Variants in NUCKS1 observed in about 807,000 individuals in gnomAD.
The protein encoded by NUCKS1 is nuclear casein kinase and cyclin dependent kinase substrate 1, also known as nuclear ubiquitous casein and cyclin-dependent kinase substrate 1.
NUCKS1 carries 2 observed loss-of-function variants against 33.0 expected under a neutral mutation model. The observed-to-expected ratio is 0.06, with a 90% CI of 0.02 to 0.19. The LOEUF (loss-of-function observed/expected upper bound fraction) is 0.19. Among genes scored for constraint, NUCKS1 ranks in the 10% least tolerant of loss-of-function variants. The pLI is 1.00. For missense variants in NUCKS1, 201 were observed against 293.6 expected (o/e 0.68, Z 2.31); for synonymous variants, 106 against 102.8 (o/e 1.03, Z -0.19).
At position 205,750,137 on chromosome 1, in the gene NUCKS1, C is replaced by A. The variant is rs935924339; in HGVS notation, c.-164G>T. On this transcript the variant is annotated 5_prime_UTR_variant, in exon 1 of 7. Transcript: ENST00000367142. ...CTCCGCTGCTCTTTGGTTCAGGGCT[C>A]CTGGAACAGACGAGCCCCCCGCTCC... 28 of 721,384 alleles carry A rather than the reference C, an allele frequency of 3.9e-5. No homozygotes were observed. The highest frequency in any genetic ancestry group is 1.4e-5 in the Non-Finnish European group (6 of 423,656). 44.7% of individuals were successfully genotyped at this position (721,384 alleles called of 1,614,324 possible). A position where few individuals can be genotyped will look rare whatever the true frequency, so the allele number is the denominator to read the frequency against.
chr1:205,723,049 A>C (rs1671949438), intron 4 of NUCKS1, among the ~76,000 whole-genome samples: 1 of 152,246 alleles, frequency 6.6e-6, no homozygotes, highest in Non-Finnish European at 1.5e-5. Flanking sequence ...AAATGACTGA[A>C]AGCATATACT....
chr1:205,718,989 A>G (rs1317987351), intron 6 of NUCKS1, among the ~76,000 whole-genome samples: 2 of 152,230 alleles, frequency 1.3e-5, no homozygotes, highest in Non-Finnish European at 2.9e-5. Context: ...CACCTACACA[A>G]AAAGCAAATT....
intron 1 of NUCKS1, among the ~76,000 whole-genome samples, chr1:205,747,257 T>G (rs1336287700): frequency 6.6e-6 from 1 of 152,176 alleles, no homozygotes; most frequent in Non-Finnish European, 1.5e-5. Context: ...GGCACCTCAC[T>G]TATCCAGGTC....
rs147514539 is a variant in NUCKS1 at position 205,732,651 on chromosome 1, C to T, written c.18-3030G>A. Among the ~76,000 whole-genome samples the T allele has an allele frequency of 4.7e-3, 716 of 151,610 alleles. 5 individuals are homozygous for T. The highest frequency in any genetic ancestry group is 0.016 in the African/African-American group (673 of 41,316). ...CAAAAATTAGCTGGGCGTGGTGGTG[C>T]GTGCCTGTAGTGCCAGCTACTTGGG... On this transcript the variant is annotated intron_variant, in intron 1 of 6. Transcript: ENST00000367142.
At chr1:205,744,328 A>C (rs1024077965) in intron 1 of NUCKS1, among the ~76,000 whole-genome samples, 13 of 152,320 alleles carry the variant, frequency 8.5e-5, no homozygotes, top group Admixed American at 6.5e-5. Context: ...CTCAGGCCTA[A>C]CATATGAAAT....
intron 3 of NUCKS1, 182 bp from the exon 4 acceptor site, chr1:205,724,163 T>C (rs954787774): frequency 3.1e-6 from 2 of 635,530 alleles, no homozygotes; most frequent in Non-Finnish European, 5.8e-6. Context: ...ATAAGCACAA[T>C]TTTATTTACG....
chr1:205,742,610 G>A (rs1031114800), intron 1 of NUCKS1, among the ~76,000 whole-genome samples: 3 of 152,184 alleles, frequency 2.0e-5, no homozygotes, highest in Non-Finnish European at 2.9e-5. Context: ...GGATCACAAG[G>A]TCAGGGGATC....
Position 205,718,343 on chromosome 1 carries a change from G to C in NUCKS1, c.669C>G (p.Ser223Arg). The C allele has an allele frequency of 3.1e-6, 5 of 1,613,478 alleles. No homozygotes were observed. The highest frequency in any genetic ancestry group is 4.2e-6 in the Non-Finnish European group (5 of 1,179,916). Residue 223 changes from serine (S) to arginine (R), a missense_variant, in exon 7 of 7, where the codon AGC (serine) becomes AGG (arginine). Coordinates refer to ENST00000367142, the MANE Select transcript of NUCKS1 (RefSeq NM_022731.5). ...CATCCCCAGATTTCTCGGGTGGGGG[G>C]CTTGTAGATGTTTTCTTTTCTGGCG... ...ESPPEKKTST[S>R]PPPEKSGDEG...
chr1:205,749,752 G>A (rs1654439005), intron 1 of NUCKS1, among the ~76,000 whole-genome samples: 1 of 151,328 alleles, frequency 6.6e-6, no homozygotes, highest in African/African-American at 2.4e-5. Flanking sequence ...GCGCGGGGCG[G>A]GGAGGGGCGC....
chr1:205,735,649 C>T (rs1175644595), intron 1 of NUCKS1, among the ~76,000 whole-genome samples: 2 of 152,142 alleles, frequency 1.3e-5, no homozygotes, highest in East Asian at 3.9e-4. Flanking sequence ...GTCTCATCAT[C>T]TGTAAAACAG....
chr1:205,720,627 G>T lies in NUCKS1; in HGVS notation c.256C>A (p.His86Asn). ...TGCCGTTGTTGGCGCACATTTTTAT[G>T]ATCTTCTTTTTCATCTTCACTATCC... ...AEDSEDEKED[H>N]KNVRQQRQAA... The change falls in exon 5 of 7, where the codon CAT (histidine) becomes AAT (asparagine). Residue 86 changes from histidine (H) to asparagine (N), a missense_variant. Physicochemically the swap from His to Asn is moderately conservative, Grantham distance 68. Transcript: ENST00000367142. 1.9e-6 allele frequency: 3 copies of T among 1,613,794 alleles called. No homozygotes were observed. The highest frequency in any genetic ancestry group is 1.7e-5 in the Admixed American group (1 of 59,974).
intron 6 of NUCKS1, among the ~76,000 whole-genome samples, chr1:205,718,684 G>A (rs1671870416): frequency 6.6e-6 from 1 of 152,132 alleles, no homozygotes; most frequent in Admixed American, 6.6e-5. Flanking sequence ...ACTACACTAT[G>A]CTACAGTATT....
At chr1:205,735,899 T>G (rs939232148) in intron 1 of NUCKS1, among the ~76,000 whole-genome samples, 1 of 152,192 alleles carries the variant, frequency 6.6e-6, no homozygotes, top group African/African-American at 2.4e-5. Flanking sequence ...TCAGAAAGAT[T>G]GTCTTTGTTT....
intron 1 of NUCKS1, among the ~76,000 whole-genome samples, chr1:205,730,758 C>T (rs986269450): frequency 6.6e-6 from 1 of 152,182 alleles, no homozygotes; most frequent in Non-Finnish European, 1.5e-5. Flanking sequence ...GCTGGGATTA[C>T]AGGCGTGAGC....
intron 6 of NUCKS1, 51 bp downstream of exon 6, chr1:205,719,476 T>G (rs375567076): frequency 6.5e-7 from 1 of 1,538,808 alleles, no homozygotes; most frequent in South Asian, 1.2e-5. Context: ...AAAATAATGA[T>G]TCTCAAAATT....
At chr1:205,730,392 A>T (rs1341492091) in intron 1 of NUCKS1, among the ~76,000 whole-genome samples, 1 of 152,020 alleles carries the variant, frequency 6.6e-6, no homozygotes, top group African/African-American at 2.4e-5. Flanking sequence ...AGTACTTAAC[A>T]TTCTGTTATA....
At chr1:205,733,637 A>T (rs1451402643) in intron 1 of NUCKS1, among the ~76,000 whole-genome samples, 1 of 151,778 alleles carries the variant, frequency 6.6e-6, no homozygotes, top group African/African-American at 2.4e-5. Flanking sequence ...AATAATAAAT[A>T]AAATATTTAA....
In NUCKS1 at chr1:205,717,511, T is replaced by TA. The variant is rs1380488435; in HGVS notation, c.*768dup. On this transcript the variant is annotated 3_prime_UTR_variant, in exon 7 of 7. Coordinates refer to ENST00000367142, the MANE Select transcript of NUCKS1 (RefSeq NM_022731.5). The stretch of plus-strand genomic sequence containing the variant: ...GCAGCCCCTGCTTTTTTTTTTTTTT[T>TA]AGCTCCCTAAAGACTGTAGCAGGAT... The TA allele has an allele frequency of 1.0e-6, 1 of 963,388 alleles. No homozygotes were observed. The highest frequency in any genetic ancestry group is 1.2e-6 in the Non-Finnish European group (1 of 810,802). 59.7% of individuals were successfully genotyped at this position (963,388 alleles called of 1,614,324 possible). A position where few individuals can be genotyped will look rare whatever the true frequency, so the allele number is the denominator to read the frequency against.
chr1:205,716,093 C>A lies in NUCKS1; in HGVS notation c.*2187G>T, dbSNP rs911452951. 1 of 152,064 alleles carries A rather than the reference C, an allele frequency of 6.6e-6. No individual in the cohort carries two copies. 9.4% of individuals were successfully genotyped at this position (152,064 alleles called of 1,614,324 possible). On this transcript the variant is annotated 3_prime_UTR_variant, in exon 7 of 7. Transcript: ENST00000367142. Reference sequence around the variant, plus strand: ...TCTAATGAATTAATTTTAAAAGGGACCCTAAACAAGAAGCCCAATCAAATG... The same window carrying A: ...TCTAATGAATTAATTTTAAAAGGGAACCTAAACAAGAAGCCCAATCAAATG...
Sources: gnomAD v4.1 joint callset for allele counts (sites outside exome capture counted in the v4.1 genomes callset) on GRCh38, gnomAD v4.1.1 for gene constraint, MANE v1.5 for transcripts, NCBI Gene and HGNC (gene_info 2026-07-23, HGNC 2026-07-21) for gene names.